Variants in ARMH3 observed in about 807,000 individuals in gnomAD.
ARMH3 encodes armadillo like helical domain containing 3, also known as armadillo-like helical domain-containing protein 3.
ARMH3 carries 60 observed loss-of-function variants against 99.1 expected under a neutral mutation model. That is an observed-to-expected ratio of 0.61 (90% CI 0.49 to 0.75). ARMH3 has a LOEUF of 0.75. Among genes scored for constraint, ARMH3 ranks in the 30% least tolerant of loss-of-function variants. The pLI, the probability that ARMH3 is intolerant of heterozygous loss-of-function variation, is 0.00. For missense variants in ARMH3, 679 were observed against 843.1 expected (o/e 0.81, Z 2.41); for synonymous variants, 285 against 292.8 (o/e 0.97, Z 0.27).
At chr10:101,914,626 G>C (rs562979965) in intron 23 of ARMH3, among the ~76,000 whole-genome samples, 174 of 151,940 alleles carry the variant, frequency 1.1e-3, no homozygotes, top group Non-Finnish European at 1.5e-3. Context: ...AGCACTTTGG[G>C]AGGCCGAGGC....
chr10:101,933,192 A>T (rs977552597), intron 23 of ARMH3, among the ~76,000 whole-genome samples: 11 of 152,086 alleles, frequency 7.2e-5, no homozygotes, highest in African/African-American at 2.7e-4. Flanking sequence ...TCTCAATTTA[A>T]AAAAAAATCG....
intron 23 of ARMH3, among the ~76,000 whole-genome samples, chr10:101,931,385 T>A (rs1457330489): frequency 6.6e-6 from 1 of 151,942 alleles, no homozygotes; most frequent in Admixed American, 6.6e-5. Context: ...ATTAGGCCAG[T>A]GTGGTGGTGG....
intron 23 of ARMH3, among the ~76,000 whole-genome samples, chr10:101,897,474 C>T (rs1589983250): frequency 6.6e-6 from 1 of 152,222 alleles, no homozygotes; most frequent in Non-Finnish European, 1.5e-5. Flanking sequence ...AAAGTTGACA[C>T]TGATGACAAT....
intron 24 of ARMH3, among the ~76,000 whole-genome samples, chr10:101,860,799 C>T (rs892689752): frequency 3.3e-5 from 5 of 152,234 alleles, no homozygotes; most frequent in East Asian, 1.9e-4. Context: ...TAGTTACACC[C>T]GAGCAGTGGC....
intron 8 of ARMH3, among the ~76,000 whole-genome samples, chr10:102,015,909 G>C (rs542958174): frequency 5.9e-5 from 9 of 152,300 alleles, no homozygotes; most frequent in African/African-American, 2.2e-4. Flanking sequence ...CAAGGTGGGA[G>C]GATCACTTGA....
At chr10:101,971,319 C>T (rs1845763767) in intron 20 of ARMH3, among the ~76,000 whole-genome samples, 1 of 152,058 alleles carries the variant, frequency 6.6e-6, no homozygotes, top group South Asian at 2.1e-4. Flanking sequence ...TGGCTCACAC[C>T]TGTAATCCCA....
intron 19 of ARMH3, among the ~76,000 whole-genome samples, chr10:101,981,972 A>G (rs1846251872): frequency 6.7e-6 from 1 of 148,806 alleles, no homozygotes; most frequent in African/African-American, 2.5e-5. Context: ...CAGTGAGCCA[A>G]GATCGCACCA....
chr10:102,041,850 A>G (rs969156777), intron 1 of ARMH3, among the ~76,000 whole-genome samples: 17 of 151,876 alleles, frequency 1.1e-4, no homozygotes, highest in African/African-American at 3.1e-4. Context: ...GGGTTTCACT[A>G]TGTTGGCCAG....
chr10:101,920,177 G>A (rs1387058268), intron 23 of ARMH3, among the ~76,000 whole-genome samples: 1 of 152,234 alleles, frequency 6.6e-6, no homozygotes, highest in East Asian at 1.9e-4. Context: ...GAGGACAACA[G>A]ATAAGTAGAC....
At chr10:101,949,564 T>C (rs952723207) in intron 22 of ARMH3, among the ~76,000 whole-genome samples, 2 of 152,110 alleles carry the variant, frequency 1.3e-5, no homozygotes, top group Admixed American at 1.3e-4. Context: ...ATTAAATAAA[T>C]TGAACTTATG....
chr10:101,894,843 A>AGCCTGG (rs2067781730), intron 23 of ARMH3, among the ~76,000 whole-genome samples: 1 of 147,974 alleles, frequency 6.8e-6, no homozygotes, highest in African/African-American at 2.5e-5. Flanking sequence ...ACTTCACTCC[A>AGCCTGG]GCCTGGGCAA....
chr10:101,946,071 CAAAAAAAAAAAAAAAAA>C (rs569179050), intron 22 of ARMH3, among the ~76,000 whole-genome samples: 617 of 34,504 alleles, frequency 0.018, 16 homozygotes, highest in East Asian at 0.11. Flanking sequence ...GACTCTGCCT[CAAAAAAAAAAAAAAAAA>C]AAAAAAAAAA....
At chr10:102,044,374 C>CTT (rs751800293) in intron 1 of ARMH3, among the ~76,000 whole-genome samples, 5 of 138,190 alleles carry the variant, frequency 3.6e-5, no homozygotes, top group East Asian at 2.1e-4. Context: ...CATGCCCGGC[C>CTT]TTTTTTTTTT....
intron 11 of ARMH3, among the ~76,000 whole-genome samples, chr10:102,011,329 T>C (rs2066624134): frequency 1.3e-5 from 2 of 152,084 alleles, no homozygotes; most frequent in Non-Finnish European, 2.9e-5. Flanking sequence ...CAAACCCTAC[T>C]ATACCGTGTT....
chr10:101,847,447 G>T lies in ARMH3; in HGVS notation c.*81C>A. ...GTGTTTCTCTCCAACCTCGGGGGCA[G>T]CCCCCTCTCCCCTCGCTCCCCCTCC... On this transcript the variant is annotated 3_prime_UTR_variant, in exon 26 of 26. Coordinates refer to ENST00000370033, the MANE Select transcript of ARMH3 (RefSeq NM_024541.3). The T allele has an allele frequency of 1.4e-6, 2 of 1,416,710 alleles. No individual in the cohort carries two copies. The highest frequency in any genetic ancestry group is 2.0e-6 in the Non-Finnish European group (2 of 1,004,440). 87.8% of individuals were successfully genotyped at this position (1,416,710 alleles called of 1,614,324 possible).
chr10:101,973,992 G>A (rs1313224513), intron 20 of ARMH3, among the ~76,000 whole-genome samples: 1 of 152,114 alleles, frequency 6.6e-6, no homozygotes, highest in Non-Finnish European at 1.5e-5. Flanking sequence ...TTAAAAGGAG[G>A]TGTTGCTACC....
In ARMH3 at chr10:101,939,944, A is replaced by C; in HGVS notation, c.1706-6T>G. On this transcript the variant is annotated splice_region_variant and splice_polypyrimidine_tract_variant and intron_variant, in intron 22 of 25. Coordinates refer to ENST00000370033, the MANE Select transcript of ARMH3 (RefSeq NM_024541.3). ...ATTGGTAGAAAGCCTCAGGACTGCA[A>C]AGAAGGAAAGAACACAGATCTGTCA... is the stretch of plus-strand genomic sequence containing the variant. The C allele has an allele frequency of 6.2e-7, 1 of 1,613,088 alleles. No individual in the cohort carries two copies. The highest frequency in any genetic ancestry group is 1.3e-5 in the African/African-American group (1 of 75,038).
At chr10:101,903,412 CGACA>C (rs1012925736) in intron 23 of ARMH3, among the ~76,000 whole-genome samples, 11 of 152,186 alleles carry the variant, frequency 7.2e-5, no homozygotes, top group Admixed American at 3.9e-4. Flanking sequence ...AAGACACACA[CGACA>C]GACAGATAAT....
intron 20 of ARMH3, among the ~76,000 whole-genome samples, chr10:101,961,315 T>C (rs1043689967): frequency 6.6e-6 from 1 of 152,046 alleles, no homozygotes; most frequent in Admixed American, 6.5e-5. Flanking sequence ...TCTCTCTTTT[T>C]TTTTTTAAGC....
Sources: gnomAD v4.1 joint callset for allele counts (sites outside exome capture counted in the v4.1 genomes callset) on GRCh38, gnomAD v4.1.1 for gene constraint, MANE v1.5 for transcripts, NCBI Gene and HGNC (gene_info 2026-07-23, HGNC 2026-07-21) for gene names.